GPR89B: variants seen among roughly 807,000 people sequenced by gnomAD.
GPR89B encodes G protein-coupled receptor 89B.
GPR89B carries 25 observed loss-of-function variants against 52.4 expected under a neutral mutation model. The observed-to-expected ratio is 0.48, with a 90% CI of 0.35 to 0.67. The LOEUF is 0.67. Ranked by LOEUF, GPR89B falls within the 30% of genes least tolerant of loss-of-function variation. The pLI is 0.01. For synonymous variants in GPR89B, 52 were observed against 151.2 expected, an observed-to-expected ratio of 0.34 and a Z score of 4.81; for missense variants, 146 against 450.2, an observed-to-expected ratio of 0.32 and a Z score of 6.11.
At chr1:147,970,539 CT>C in intron 10 of GPR89B, among the ~76,000 whole-genome samples, 1 of 133,810 alleles carries the variant, frequency 7.5e-6, no homozygotes, top group East Asian at 2.2e-4. Flanking sequence ...CTCTCTATCT[CT>C]ATCTCTCTCT....
intron 4 of GPR89B, 113 bp downstream of exon 4, chr1:147,943,657 G>A (rs1654736108): frequency 4.7e-6 from 3 of 641,830 alleles, no homozygotes; most frequent in Non-Finnish European, 7.9e-6. Flanking sequence ...CGCTATTTGA[G>A]GATACCTCAC....
the GPR89B span, among the ~76,000 whole-genome samples, chr1:148,012,427 T>A: frequency 6.6e-6 from 1 of 151,848 alleles, no homozygotes. Context: ...TTTGACTCCC[T>A]TCCTTACCCT....
chr1:147,999,322 G>A, the GPR89B span, among the ~76,000 whole-genome samples: 1 of 151,590 alleles, frequency 6.6e-6, no homozygotes, highest in Non-Finnish European at 1.5e-5. Flanking sequence ...AAAAAAAAAT[G>A]TGTGGCCCGG....
chr1:147,983,687 G>A (rs1264057052), intron 10 of GPR89B, among the ~76,000 whole-genome samples: 1 of 151,862 alleles, frequency 6.6e-6, no homozygotes, highest in Non-Finnish European at 1.5e-5. Context: ...ACAGGTGCTG[G>A]AGAGGATGTG....
chr1:147,989,571 T>C (rs1240508351), intron 12 of GPR89B, among the ~76,000 whole-genome samples: 2 of 152,102 alleles, frequency 1.3e-5, no homozygotes, highest in African/African-American at 4.8e-5. Flanking sequence ...CCTAATGCTG[T>C]CCCTCCCCCC....
intron 2 of GPR89B, among the ~76,000 whole-genome samples, chr1:147,937,364 G>C (rs1162474096): frequency 1.1e-4 from 16 of 152,032 alleles, no homozygotes; most frequent in Admixed American, 7.2e-4. Flanking sequence ...TACTGATGAG[G>C]GTCTGTGTCC....
At chr1:147,929,223 A>C (rs2149028677) in intron 1 of GPR89B, 1 of 150,062 alleles carries the variant, frequency 6.7e-6, no homozygotes. Flanking sequence ...TTGTACAGTC[A>C]ACAAACATTT....
chr1:147,958,846 C>T (rs1326121789), intron 7 of GPR89B, among the ~76,000 whole-genome samples: 1 of 151,920 alleles, frequency 6.6e-6, no homozygotes, highest in Non-Finnish European at 1.5e-5. Context: ...GAAGAATCAG[C>T]CTCCCAGCAT....
chr1:147,931,623 G>A lies in GPR89B; in HGVS notation c.42+3045G>A, dbSNP rs181363053. Among the ~76,000 whole-genome samples, 524 of 150,734 alleles carry A rather than the reference G, an allele frequency of 3.5e-3. 8 individuals carry two copies. Among genetic ancestry groups the A allele is most frequent in the Non-Finnish European group, 4.6e-3 (310 of 67,756 alleles). On this transcript the variant is annotated intron_variant, in intron 1 of 13. Transcript: ENST00000314163. ...CAACTTTTATTTTATTTTAGATTTG[G>A]TACTTGTGCTGGGTATATTGTGGGA...
At chr1:147,971,760 G>A (rs1657488873) in intron 10 of GPR89B, among the ~76,000 whole-genome samples, 4 of 151,978 alleles carry the variant, frequency 2.6e-5, no homozygotes, top group South Asian at 2.1e-4. Flanking sequence ...GATTACAGGC[G>A]TGAGCCACTG....
chr1:147,933,448 C>T (rs1653816240), intron 1 of GPR89B, among the ~76,000 whole-genome samples: 1 of 151,892 alleles, frequency 6.6e-6, no homozygotes, highest in Non-Finnish European at 1.5e-5. Flanking sequence ...GGTTTCAACT[C>T]ATAGGTATAT....
chr1:148,000,020 A>G, the GPR89B span, among the ~76,000 whole-genome samples: 1 of 152,204 alleles, frequency 6.6e-6, no homozygotes, highest in Non-Finnish European at 1.5e-5. Flanking sequence ...TTAAATTACC[A>G]TATTTGGATG....
intron 1 of GPR89B, among the ~76,000 whole-genome samples, chr1:147,930,606 C>T (rs1653502319): frequency 2.6e-5 from 4 of 151,978 alleles, no homozygotes; most frequent in Admixed American, 6.6e-5. Context: ...CACCATTGCC[C>T]CCTGCGCCCC....
chr1:147,973,599 T>G (rs1237326877), intron 10 of GPR89B, among the ~76,000 whole-genome samples: 13 of 151,786 alleles, frequency 8.6e-5, no homozygotes, highest in African/African-American at 3.2e-4. Flanking sequence ...TTGCAAAAAT[T>G]TTCTCCCATT....
chr1:147,970,549 C>CTATCTATCTA (rs1657381839), intron 10 of GPR89B, among the ~76,000 whole-genome samples: 2 of 124,552 alleles, frequency 1.6e-5, no homozygotes, highest in African/African-American at 6.1e-5. Context: ...CTATCTCTCT[C>CTATCTATCTA]TCTCTATCTC....
intron 2 of GPR89B, among the ~76,000 whole-genome samples, chr1:147,937,099 T>C (rs1374989493): frequency 6.6e-6 from 1 of 152,050 alleles, no homozygotes; most frequent in Non-Finnish European, 1.5e-5. Flanking sequence ...CAACATAGGT[T>C]CTTTCTGTTT....
chr1:147,939,994 AGAGT>A (rs1654415197), intron 3 of GPR89B, among the ~76,000 whole-genome samples: 2 of 151,954 alleles, frequency 1.3e-5, no homozygotes, highest in African/African-American at 2.4e-5. Flanking sequence ...CTTAAAAAAA[AGAGT>A]GAGAGAGAGA....
chr1:147,994,791 G>T (rs1307240988), downstream of GPR89B, among the ~76,000 whole-genome samples: 1 of 151,836 alleles, frequency 6.6e-6, no homozygotes, highest in Non-Finnish European at 1.5e-5. Flanking sequence ...AGTGGGCATT[G>T]TGTGTGTTCA....
rs1228799477 is a variant in GPR89B, at chr1:147,988,689, C to T, written c.1095+168C>T. Among the ~76,000 whole-genome samples the T allele has an allele frequency of 1.5e-4, 22 of 142,986 alleles. 1 individual carries two copies. In the South Asian group the frequency reaches 4.9e-3, roughly 32 times the overall value. 93.8% of individuals were successfully genotyped at this position (142,986 alleles called of 152,430 possible). ...TCCATCCTAGCCAACATGGTGAAACCCCATCTCTACTAAAAATACAACAAA... is the reference window on the plus strand; with the variant it reads ...TCCATCCTAGCCAACATGGTGAAACTCCATCTCTACTAAAAATACAACAAA... On this transcript the variant is annotated intron_variant, in intron 12 of 13. Transcript: ENST00000314163.
Sources: allele counts gnomAD v4.1 joint callset (sites outside exome capture counted in the v4.1 genomes callset), GRCh38; gene constraint gnomAD v4.1.1; transcripts MANE v1.5; gene names NCBI Gene and HGNC (gene_info 2026-07-23, HGNC 2026-07-21).